The following TENM4 variants were observed in gnomAD, a reference collection of about 807,000 sequenced individuals.
TENM4 encodes teneurin transmembrane protein 4, also known as teneurin-4.
TENM4 carries 82 observed loss-of-function variants against 243.3 expected under a neutral mutation model. The observed-to-expected ratio is 0.34, with a 90% CI of 0.28 to 0.40. TENM4 has a LOEUF of 0.40. Ranked by LOEUF, TENM4 falls within the 10% of genes least tolerant of loss-of-function variation. TENM4 has a pLI of 1.00. For synonymous variants in TENM4, 1,412 were observed against 1,456.3 expected, an observed-to-expected ratio of 0.97 and a Z score of 0.69; for missense variants, 3,138 against 3,673.3, an observed-to-expected ratio of 0.85 and a Z score of 3.77.
At chr11:78,956,388 A>G (rs1018624971) in intron 6 of TENM4, among the ~76,000 whole-genome samples, 2 of 152,190 alleles carry the variant, frequency 1.3e-5, no homozygotes, top group African/African-American at 2.4e-5. Context: ...AGAGTTGCCA[A>G]GTTCTAGGCT....
chr11:79,034,620 T>TA (rs1179294092), intron 6 of TENM4, among the ~76,000 whole-genome samples: 1 of 152,112 alleles, frequency 6.6e-6, no homozygotes, highest in East Asian at 1.9e-4. Flanking sequence ...CTATGGGGCC[T>TA]AAAAAGCATC....
At chr11:79,006,074 G>A (rs912837731) in intron 6 of TENM4, among the ~76,000 whole-genome samples, 2 of 152,190 alleles carry the variant, frequency 1.3e-5, no homozygotes, top group African/African-American at 4.8e-5. Flanking sequence ...CCTGCTTTCT[G>A]GTTCAGCAAA....
chr11:79,058,339 C>T (rs539306132), intron 6 of TENM4, among the ~76,000 whole-genome samples: 1 of 151,930 alleles, frequency 6.6e-6, no homozygotes, highest in East Asian at 1.9e-4. Flanking sequence ...GTCAGGAGAT[C>T]GAGACCATCC....
At chr11:78,856,768 T>C (rs185492528) in intron 10 of TENM4, among the ~76,000 whole-genome samples, 4 of 152,292 alleles carry the variant, frequency 2.6e-5, no homozygotes, top group African/African-American at 9.6e-5. Context: ...AAAAGGTACT[T>C]CTGAAAAGAG....
intron 1 of TENM4, among the ~76,000 whole-genome samples, chr11:79,315,412 G>A (rs1856787127): frequency 6.6e-6 from 1 of 152,232 alleles, no homozygotes; most frequent in African/African-American, 2.4e-5. Context: ...AAGTTCCTTT[G>A]CTTCCTCATC....
intron 6 of TENM4, among the ~76,000 whole-genome samples, chr11:79,001,636 C>T (rs1190991468): frequency 6.6e-6 from 1 of 152,204 alleles, no homozygotes; most frequent in Non-Finnish European, 1.5e-5. Context: ...GCTTACTATT[C>T]TCCTTTAGGA....
Position 79,017,119 on chromosome 11 carries a change from G to A in TENM4, c.493+47619C>T, listed in dbSNP as rs141176354. 2.7e-3 allele frequency among the ~76,000 whole-genome samples: 406 copies of A among 152,298 alleles called. 4 individuals are homozygous for A. The highest frequency in any genetic ancestry group is 9.4e-3 in the African/African-American group (391 of 41,556). ...GAGGTCAGGTGACGAGAATGATGGA[G>A]GAGATCAATTTTTTTCTGCTGTGAG... On this transcript the variant is annotated intron_variant, in intron 6 of 33. Coordinates refer to ENST00000278550, the MANE Select transcript of TENM4 (RefSeq NM_001098816.3).
intron 1 of TENM4, among the ~76,000 whole-genome samples, chr11:79,356,270 A>G (rs934610994): frequency 6.6e-6 from 1 of 152,156 alleles, no homozygotes; most frequent in Admixed American, 6.5e-5. Flanking sequence ...AGTCCCCCCA[A>G]CTAGTTGGGT....
chr11:79,270,599 C>A (rs2135344336), intron 2 of TENM4, among the ~76,000 whole-genome samples: 1 of 152,234 alleles, frequency 6.6e-6, no homozygotes, highest in Middle Eastern at 3.4e-3. Flanking sequence ...CTCTCACCCC[C>A]ATCCCAGTGA....
At chr11:78,715,935 A>T (rs1164193350) in intron 25 of TENM4, among the ~76,000 whole-genome samples, 1 of 152,220 alleles carries the variant, frequency 6.6e-6, no homozygotes, top group Non-Finnish European at 1.5e-5. Context: ...AGCTGCAGAG[A>T]TGACTACCAC....
At chr11:79,252,623 A>G (rs1855631465) in intron 2 of TENM4, among the ~76,000 whole-genome samples, 1 of 152,178 alleles carries the variant, frequency 6.6e-6, no homozygotes, top group Non-Finnish European at 1.5e-5. Flanking sequence ...AGATTGAATC[A>G]TTGCTCCTAA....
chr11:78,729,446 C>T lies in TENM4; in HGVS notation c.3336G>A (p.Leu1112=). Residue 1112 remains leucine (L), a synonymous_variant, in exon 22 of 34, where the codon CTG becomes CTA. Coordinates refer to ENST00000278550, the MANE Select transcript of TENM4 (RefSeq NM_001098816.3). Reference sequence around the variant, plus strand: ...TCTTGTCCCAAATGAAATAATAGGACAGGTCTGGGGCTGCAGCGAACCACT... The same window carrying T: ...TCTTGTCCCAAATGAAATAATAGGATAGGTCTGGGGCTGCAGCGAACCACT... The part of the protein sequence containing the change: ...FRKWFAAAPD[L]SYYFIWDKTD... 1 of 1,605,124 alleles carries T rather than the reference C, an allele frequency of 6.2e-7. No individual in the cohort carries two copies. Among genetic ancestry groups the T allele is most frequent in the Admixed American group, 1.7e-5 (1 of 58,334 alleles).
chr11:79,125,943 A>G (rs1861866271), intron 4 of TENM4, among the ~76,000 whole-genome samples: 1 of 152,182 alleles, frequency 6.6e-6, no homozygotes, highest in South Asian at 2.1e-4. Flanking sequence ...AATTTATATA[A>G]ACAGAAATCT....
chr11:79,368,628 T>C (rs992909625), intron 1 of TENM4, among the ~76,000 whole-genome samples: 3 of 152,234 alleles, frequency 2.0e-5, no homozygotes, highest in Admixed American at 6.5e-5. Flanking sequence ...TCCTGCCATT[T>C]ACCAGCTAAG....
At chr11:78,933,508 G>T (rs142969878) in intron 6 of TENM4, among the ~76,000 whole-genome samples, 1 of 152,316 alleles carries the variant, frequency 6.6e-6, no homozygotes, top group African/African-American at 2.4e-5. Context: ...TTGGTCTTCA[G>T]TGCTGCTTGT....
chr11:79,318,090 T>C (rs1856830837), intron 1 of TENM4, among the ~76,000 whole-genome samples: 1 of 152,220 alleles, frequency 6.6e-6, no homozygotes, highest in South Asian at 2.1e-4. Context: ...TAAGCATTTC[T>C]GACACTGGTT....
chr11:78,985,948 G>A (rs1458634553), intron 6 of TENM4, among the ~76,000 whole-genome samples: 4 of 152,168 alleles, frequency 2.6e-5, no homozygotes, highest in African/African-American at 9.7e-5. Context: ...GCATTCAGGA[G>A]GCCCTATGCA....
chr11:78,909,009 G>A (rs1173678176), intron 6 of TENM4, among the ~76,000 whole-genome samples: 1 of 152,138 alleles, frequency 6.6e-6, no homozygotes, highest in East Asian at 1.9e-4. Context: ...CCTTAATTCT[G>A]TCTCCTACTG....
chr11:78,687,050 C>T (rs61883897), intron 29 of TENM4, among the ~76,000 whole-genome samples: 13,209 of 152,224 alleles, frequency 0.087, 779 homozygotes, highest in Non-Finnish European at 0.13. Flanking sequence ...AAGAGATCGA[C>T]TGAGCAGCCC....
Sources: gnomAD v4.1 joint callset for allele counts (sites outside exome capture counted in the v4.1 genomes callset) on GRCh38, gnomAD v4.1.1 for gene constraint, MANE v1.5 for transcripts, NCBI Gene and HGNC (gene_info 2026-07-23, HGNC 2026-07-21) for gene names.